The following SLC25A29 variants were observed in gnomAD, a reference collection of about 807,000 sequenced individuals.
The protein encoded by SLC25A29 is mitochondrial basic amino acids transporter.
SLC25A29 carries 13 observed loss-of-function variants against 10.0 expected under a neutral mutation model. That is an observed-to-expected ratio of 1.30 (90% CI 0.85 to 2.07). The LOEUF is 2.07. Among genes scored for constraint, SLC25A29 ranks in the 30% most tolerant of loss-of-function variants. The pLI, the probability that SLC25A29 is intolerant of heterozygous loss-of-function variation, is 0.00. For synonymous variants in SLC25A29, 244 were observed against 221.1 expected (o/e 1.10, Z -0.92); for missense variants, 475 against 447.6 (o/e 1.06, Z -0.55).
intron 1 of SLC25A29, 35 bp from the exon 2 acceptor site, chr14:100,298,920 C>T (rs183461331): frequency 1.9e-6 from 3 of 1,613,678 alleles, no homozygotes. Flanking sequence ...GACCCACATA[C>T]CTCAGAAACA....
chr14:100,282,019 G>C, the SLC25A29 span: 2 of 152,312 alleles, frequency 1.3e-5, no homozygotes, highest in East Asian at 3.9e-4. Flanking sequence ...CAGTCCCCTT[G>C]TAAAATCTGG....
chr14:100,280,773 C>G, the SLC25A29 span: 3 of 152,094 alleles, frequency 2.0e-5, no homozygotes, highest in African/African-American at 7.2e-5. Flanking sequence ...TCGGGGGAAG[C>G]CCGCCTGAGC....
downstream of SLC25A29, among the ~76,000 whole-genome samples, chr14:100,288,552 C>T (rs1891591728): frequency 6.6e-6 from 1 of 151,962 alleles, no homozygotes; most frequent in African/African-American, 2.4e-5. Context: ...GAACGTCTGG[C>T]CCTGCTGTCC....
In SLC25A29 at chr14:100,293,346, G is replaced by A. The variant is rs113379248; in HGVS notation, c.110C>T (p.Pro37Leu). The change falls in exon 3 of 4, where the codon CCT becomes CTT. Residue 37 changes from proline to leucine, a missense_variant. By Grantham distance (98) the Pro-to-Leu change is moderately conservative (BLOSUM62 -3). Transcript: ENST00000359232. ...GCAGTGCAACGTCCCGCGGTACTGA[G>A]GCTTCTCCACGCTCTGGACCTGAAG... Reference protein sequence around the residue: ...VRLQVQSVEKPQYRGTLHCFK... With the variant: ...VRLQVQSVEKLQYRGTLHCFK... 3.1e-6 allele frequency: 5 copies of A among 1,613,232 alleles called. No homozygotes were observed. Among genetic ancestry groups the A allele is most frequent in the Non-Finnish European group, 4.2e-6 (5 of 1,180,004 alleles).
rs1207017715 is a variant in SLC25A29, at chr14:100,292,131, A to C, written c.*152T>G. 10 of 1,045,174 alleles carry C rather than the reference A, an allele frequency of 9.6e-6. No individual in the cohort carries two copies. Among genetic ancestry groups the C allele is most frequent in the Non-Finnish European group, 1.4e-5 (10 of 710,136 alleles). 64.7% of individuals were successfully genotyped at this position (1,045,174 alleles called of 1,614,324 possible). A position where few individuals can be genotyped will look rare whatever the true frequency, so the allele number is the denominator to read the frequency against. On this transcript the variant is annotated 3_prime_UTR_variant, in exon 4 of 4. Transcript: ENST00000359232. The stretch of plus-strand genomic sequence containing the variant: ...CTGAGGCAAGTGCAGTTCTCGGCCA[A>C]AACTACCCAGCTGATCAGCAAAATT...
the SLC25A29 span, among the ~76,000 whole-genome samples, chr14:100,285,100 T>C: frequency 6.6e-6 from 1 of 151,792 alleles, no homozygotes; most frequent in African/African-American, 2.4e-5. Flanking sequence ...GGACGGGGTC[T>C]GAGCACGCCC....
chr14:100,295,080 A>G (rs1376747575), intron 2 of SLC25A29: 1 of 156,688 alleles, frequency 6.4e-6, no homozygotes, highest in Non-Finnish European at 1.4e-5. Flanking sequence ...CCACCTGGGT[A>G]GTGTTGTGAA....
intron 1 of SLC25A29, among the ~76,000 whole-genome samples, chr14:100,300,969 G>C (rs1394690698): frequency 6.6e-6 from 1 of 151,716 alleles, no homozygotes; most frequent in African/African-American, 2.4e-5. Context: ...TTGCGGTCTC[G>C]GCTCACTGCA....
Position 100,292,228 on chromosome 14 carries a change from AT to A in SLC25A29, c.*54del. The A allele has an allele frequency of 1.3e-6, 2 of 1,524,268 alleles. No individual in the cohort carries two copies. Among genetic ancestry groups the A allele is most frequent in the Non-Finnish European group, 1.8e-6 (2 of 1,137,200 alleles). The allele number at this position is 1,524,268 out of a possible 1,614,324, so 94.4% of individuals were successfully genotyped here. A position where few individuals can be genotyped will look rare whatever the true frequency, so the allele number is the denominator to read the frequency against. ...AGCAGGGCAATCGACTCAGGGGCCA[AT>A]TTATGTCCCAGGTTTCTGAGAAGGA... On this transcript the variant is annotated 3_prime_UTR_variant, in exon 4 of 4. Coordinates refer to ENST00000359232, the MANE Select transcript of SLC25A29 (RefSeq NM_001039355.3).
At chr14:100,293,550 G>C in intron 2 of SLC25A29, 173 bp from the exon 3 acceptor site, 1 of 607,602 alleles carries the variant, frequency 1.6e-6, no homozygotes, top group Non-Finnish European at 2.9e-6. Flanking sequence ...GCCTTCTCAG[G>C]ATGGGGTGCC....
At chr14:100,285,877 TA>T in the SLC25A29 span, among the ~76,000 whole-genome samples, 1 of 151,922 alleles carries the variant, frequency 6.6e-6, no homozygotes, top group African/African-American at 2.4e-5. Flanking sequence ...GTCCTGGGAT[TA>T]GGGGGCGGGC....
downstream of SLC25A29, among the ~76,000 whole-genome samples, chr14:100,286,798 C>T (rs1237783860): frequency 2.0e-5 from 3 of 152,342 alleles, no homozygotes; most frequent in East Asian, 1.9e-4. Context: ...GGACCCTTGC[C>T]CTGGCCAGGC....
chr14:100,293,628 A>G (rs3809408), intron 2 of SLC25A29: 519,781 of 531,498 alleles, frequency 0.98, 254,661 homozygotes, highest in Non-Finnish European at 1. Flanking sequence ...TCTCAGACCA[A>G]TTCAGGTTAA....
intron 2 of SLC25A29, chr14:100,294,855 C>T (rs1892029144): frequency 6.6e-6 from 1 of 152,188 alleles, no homozygotes; most frequent in Admixed American, 6.5e-5. Context: ...AGCTGGAAGC[C>T]AATGCTTCAA....
At chr14:100,281,757 T>TA in the SLC25A29 span, 1 of 152,232 alleles carries the variant, frequency 6.6e-6, no homozygotes, top group African/African-American at 2.4e-5. Flanking sequence ...TTTATGTTGT[T>TA]ACTGCTCAGG....
the SLC25A29 span, among the ~76,000 whole-genome samples, chr14:100,285,597 G>A: frequency 5.3e-5 from 8 of 152,096 alleles, no homozygotes; most frequent in Admixed American, 5.2e-4. Context: ...CGTCCCCCGC[G>A]CGGAGTGAGC....
At chr14:100,296,990 G>C (rs1892207417) in intron 2 of SLC25A29, among the ~76,000 whole-genome samples, 1 of 152,112 alleles carries the variant, frequency 6.6e-6, no homozygotes, top group South Asian at 2.1e-4. Context: ...AGCTACCCAG[G>C]GGGTTGGGGG....
At chr14:100,299,173 G>A in intron 1 of SLC25A29, 1 of 1,312,566 alleles carries the variant, frequency 7.6e-7, no homozygotes, top group Non-Finnish European at 9.7e-7. Context: ...GGTCTGGGTG[G>A]CTGACAGCAG....
At chr14:100,297,290 C>T (rs1182133836) in intron 2 of SLC25A29, among the ~76,000 whole-genome samples, 2 of 152,204 alleles carry the variant, frequency 1.3e-5, no homozygotes, top group Non-Finnish European at 2.9e-5. Context: ...TGGAGAAACT[C>T]CTGTCCCTGA....
Sources: allele counts gnomAD v4.1 joint callset (sites outside exome capture counted in the v4.1 genomes callset), GRCh38; gene constraint gnomAD v4.1.1; transcripts MANE v1.5; gene names NCBI Gene and HGNC (gene_info 2026-07-23, HGNC 2026-07-21).